TXLNB: variants seen among roughly 807,000 people sequenced by gnomAD.
TXLNB encodes the protein beta-taxilin.
TXLNB carries 37 observed loss-of-function variants against 57.4 expected under a neutral mutation model. The ratio of observed to expected loss-of-function variants is 0.64; its 90% confidence interval spans 0.50 to 0.85. The LOEUF is 0.85. TXLNB is among the 40% of genes least tolerant of loss of function. TXLNB has a pLI of 0.00. For synonymous variants in TXLNB, 302 were observed against 309.6 expected, an observed-to-expected ratio of 0.98 and a Z score of 0.26; for missense variants, 848 against 825.6, an observed-to-expected ratio of 1.03 and a Z score of -0.33.
intron 7 of TXLNB, among the ~76,000 whole-genome samples, chr6:139,252,354 A>T (rs766826005): frequency 1.8e-4 from 27 of 152,226 alleles, no homozygotes; most frequent in Non-Finnish European, 3.5e-4. Context: ...TTTGTTTTCA[A>T]AGTTTAGAAG....
intron 5 of TXLNB, 25 bp downstream of exon 5, chr6:139,262,554 C>T (rs1387123494): frequency 1.9e-6 from 3 of 1,601,136 alleles, no homozygotes; most frequent in East Asian, 2.2e-5. Context: ...ATGTACTGTT[C>T]TAAGTTGTTT....
chr6:139,168,405 T>C, the TXLNB span, among the ~76,000 whole-genome samples: 1 of 151,370 alleles, frequency 6.6e-6, no homozygotes, highest in South Asian at 2.1e-4. Flanking sequence ...TAGGGTTAAT[T>C]GATTATTTTG....
At chr6:139,268,169 A>AG (rs1309431932) in intron 4 of TXLNB, among the ~76,000 whole-genome samples, 1 of 151,686 alleles carries the variant, frequency 6.6e-6, no homozygotes, top group Non-Finnish European at 1.5e-5. Flanking sequence ...AAAAAAAAAA[A>AG]AAAGATTACT....
the TXLNB span, among the ~76,000 whole-genome samples, chr6:139,187,518 ATT>A: frequency 9.9e-5 from 15 of 150,818 alleles, no homozygotes; most frequent in East Asian, 1.9e-4. Flanking sequence ...TCAAAACAGT[ATT>A]TTTTTTTTAT....
intron 2 of TXLNB, among the ~76,000 whole-genome samples, chr6:139,286,612 C>T (rs1777181875): frequency 6.6e-6 from 1 of 152,206 alleles, no homozygotes; most frequent in South Asian, 2.1e-4. Context: ...AACTGGGCTG[C>T]ACGGCAGGAG....
the TXLNB span, among the ~76,000 whole-genome samples, chr6:139,205,739 A>G: frequency 6.6e-6 from 1 of 152,222 alleles, no homozygotes; most frequent in Non-Finnish European, 1.5e-5. Context: ...AGAGAAACCT[A>G]TAAGTTTGGA....
At chr6:139,199,631 T>C in the TXLNB span, among the ~76,000 whole-genome samples, 1 of 152,170 alleles carries the variant, frequency 6.6e-6, no homozygotes, top group Non-Finnish European at 1.5e-5. Context: ...AGCAAAGATA[T>C]GAGCAAAGCC....
intron 7 of TXLNB, among the ~76,000 whole-genome samples, chr6:139,254,715 C>T (rs4534002): frequency 0.48 from 73,424 of 152,072 alleles, 21,193 homozygotes; most frequent in African/African-American, 0.82. Flanking sequence ...CGCAGCCAAA[C>T]CAAAATGGTT....
chr6:139,242,820 T>C lies in TXLNB; in HGVS notation c.1761A>G (p.Glu587=), dbSNP rs948104493. 2.5e-6 allele frequency: 4 copies of C among 1,613,944 alleles called. No individual in the cohort carries two copies. Among genetic ancestry groups the C allele is most frequent in the African/African-American group, 1.3e-5 (1 of 74,900 alleles). ...ASNSPAGLGA[E]TQCEGLPVGA... is the part of the protein sequence containing the mutation. Reference sequence around the variant, plus strand: ...CAACAGGGAGACCCTCGCATTGGGTTTCTGCTCCCAACCCGGCAGGAGAAT... The same window carrying C: ...CAACAGGGAGACCCTCGCATTGGGTCTCTGCTCCCAACCCGGCAGGAGAAT... Residue 587 remains glutamate (E), a synonymous_variant, in exon 10 of 10, where the codon GAA becomes GAG. Coordinates refer to ENST00000358430, the MANE Select transcript of TXLNB (RefSeq NM_153235.4).
intron 1 of TXLNB, 93 bp from the exon 2 acceptor site, chr6:139,289,006 A>G: frequency 1.1e-6 from 1 of 887,068 alleles, no homozygotes; most frequent in Non-Finnish European, 1.7e-6. Flanking sequence ...CCAAGTGAAT[A>G]CCAACTAATT....
intron 3 of TXLNB, among the ~76,000 whole-genome samples, chr6:139,273,842 C>A (rs1396999539): frequency 1.3e-5 from 2 of 152,182 alleles, no homozygotes; most frequent in Non-Finnish European, 2.9e-5. Context: ...CAAAGTAATT[C>A]AGCCAATATT....
chr6:139,216,370 A>C, the TXLNB span, among the ~76,000 whole-genome samples: 1 of 150,934 alleles, frequency 6.6e-6, no homozygotes, highest in Non-Finnish European at 1.5e-5. Context: ...AAACTATCGC[A>C]AGGACAAAAA....
At chr6:139,255,520 G>T in intron 7 of TXLNB, 44 bp downstream of exon 7, 7 of 1,553,706 alleles carry the variant, frequency 4.5e-6, no homozygotes, top group Non-Finnish European at 6.2e-6. Flanking sequence ...TTTATCTGGG[G>T]ACAGTGAGGA....
At chr6:139,318,363 A>T in the TXLNB span, among the ~76,000 whole-genome samples, 1 of 151,796 alleles carries the variant, frequency 6.6e-6, no homozygotes, top group Non-Finnish European at 1.5e-5. Flanking sequence ...AGAAGAAGAG[A>T]TATATGAAAA....
intron 7 of TXLNB, among the ~76,000 whole-genome samples, chr6:139,248,628 G>C (rs574790393): frequency 9.6e-4 from 146 of 152,346 alleles, no homozygotes; most frequent in African/African-American, 3.3e-3. Context: ...ATCTGCATTT[G>C]AGGGACCTGC....
At chr6:139,239,841 T>TTC (rs374081254), downstream of TXLNB, among the ~76,000 whole-genome samples, 1 of 147,966 alleles carries the variant, frequency 6.8e-6, no homozygotes, top group African/African-American at 2.6e-5. This position sits in a 1 kb window ranked among gnomAD's most constrained non-coding sequence, Gnocchi z 4.7. Context: ...CTCCCTCCCT[T>TTC]TCTCTCTCTG....
the TXLNB span, among the ~76,000 whole-genome samples, chr6:139,219,942 T>C: frequency 6.6e-6 from 1 of 152,216 alleles, no homozygotes; most frequent in Non-Finnish European, 1.5e-5. Context: ...TTAGAAAATA[T>C]GGTCACCGTA....
chr6:139,277,400 A>G (rs1282259113), intron 2 of TXLNB, among the ~76,000 whole-genome samples: 1 of 152,192 alleles, frequency 6.6e-6, no homozygotes, highest in South Asian at 2.1e-4. Flanking sequence ...AGCTTGATGA[A>G]GTAGCCTGCC....
At chr6:139,312,021 C>T in the TXLNB span, among the ~76,000 whole-genome samples, 3 of 152,178 alleles carry the variant, frequency 2.0e-5, no homozygotes, top group Admixed American at 6.5e-5. Context: ...CTCCTAATAC[C>T]ATGTCACTGG....
Sources: gnomAD v4.1 joint callset for allele counts (sites outside exome capture counted in the v4.1 genomes callset) on GRCh38, gnomAD v4.1.1 for gene constraint, Gnocchi (gnomAD v3.1) non-coding constraint, MANE v1.5 for transcripts, NCBI Gene and HGNC (gene_info 2026-07-23, HGNC 2026-07-21) for gene names.